The following MLPH variants were observed in gnomAD, a reference collection of about 807,000 sequenced individuals.
The protein encoded by MLPH is exophilin-3.
MLPH carries 51 observed loss-of-function variants against 72.1 expected under a neutral mutation model. That is an observed-to-expected ratio of 0.71 (90% CI 0.56 to 0.89). MLPH has a LOEUF of 0.89. MLPH is among the 40% of genes least tolerant of loss of function. The pLI is 0.00. For missense variants in MLPH, 743 were observed against 759.9 expected (o/e 0.98, Z 0.26); for synonymous variants, 301 against 310.1 (o/e 0.97, Z 0.31).
chr2:237,503,850 C>T (rs2079705366), intron 2 of MLPH, among the ~76,000 whole-genome samples: 1 of 152,142 alleles, frequency 6.6e-6, no homozygotes. Context: ...GTCTACTTCC[C>T]AACCCCAAGA....
At chr2:237,514,076 G>C (rs183083320) in intron 4 of MLPH, among the ~76,000 whole-genome samples, 22 of 152,128 alleles carry the variant, frequency 1.4e-4, no homozygotes, top group African/African-American at 5.1e-4. Flanking sequence ...GGTGGACTGC[G>C]TGTGGAAAGA....
Position 237,525,962 on chromosome 2 carries a change from A to G in MLPH, c.880+157A>G, listed in dbSNP as rs11890255. The stretch of plus-strand genomic sequence containing the variant: ...TCCGGGACGTGCAGTCCCAGCAAAC[A>G]CCGTGGACACCTGCCGTCCCCGGGA... On this transcript the variant is annotated intron_variant, in intron 7 of 15. Coordinates refer to ENST00000264605, the MANE Select transcript of MLPH (RefSeq NM_024101.7). 0.17 allele frequency among the ~76,000 whole-genome samples: 25,377 copies of G among 152,182 alleles called. 2,354 individuals are homozygous for G. The highest frequency in any genetic ancestry group is 0.23 in the African/African-American group (9,596 of 41,506).
chr2:237,546,759 G>A, intron 13 of MLPH, 76 bp downstream of exon 13: 1 of 1,247,826 alleles, frequency 8.0e-7, no homozygotes, highest in Non-Finnish European at 1.2e-6. Context: ...AGTGTGGCAA[G>A]TCCACGGGGT....
chr2:237,514,078 G>A (rs1318287359), intron 4 of MLPH, among the ~76,000 whole-genome samples: 2 of 152,160 alleles, frequency 1.3e-5, no homozygotes, highest in African/African-American at 2.4e-5. Context: ...TGGACTGCGT[G>A]TGGAAAGAAG....
At chr2:237,499,742 C>CT (rs201746131) in intron 2 of MLPH, among the ~76,000 whole-genome samples, 86 of 151,464 alleles carry the variant, frequency 5.7e-4, no homozygotes, top group African/African-American at 2.9e-4. Context: ...TCCCATTTTA[C>CT]TTTTTTTTTG....
intron 6 of MLPH, 104 bp from the exon 7 acceptor site, chr2:237,525,497 A>G: frequency 1.7e-5 from 20 of 1,155,732 alleles, no homozygotes; most frequent in Non-Finnish European, 2.6e-5. Flanking sequence ...TGGGTCAGTC[A>G]AGTGCCTGGA....
rs146561701 is a variant in MLPH, at chr2:237,523,797, C to T, written c.676-1804C>T. On this transcript the variant is annotated intron_variant, in intron 6 of 15. Transcript: ENST00000264605. ...TGATAGTTGATCAGGAGAACGAGGC[C>T]ATAGTCACAAAGAGTTCTCCTACTA... Among the ~76,000 whole-genome samples the T allele has an allele frequency of 3.6e-3, 542 of 152,158 alleles. 8 individuals are homozygous for T. The highest frequency in any genetic ancestry group is 0.012 in the African/African-American group (513 of 41,496).
intron 7 of MLPH, 103 bp from the exon 8 acceptor site, chr2:237,527,274 G>A: frequency 1.4e-6 from 2 of 1,431,930 alleles, no homozygotes; most frequent in Non-Finnish European, 2.0e-6. Flanking sequence ...ACATCCTTAT[G>A]TCTTCATTTT....
At chr2:237,519,105 T>C (rs1229333612) in intron 5 of MLPH, among the ~76,000 whole-genome samples, 1 of 150,134 alleles carries the variant, frequency 6.7e-6, no homozygotes, top group Non-Finnish European at 1.5e-5. Flanking sequence ...TTGCCAACCA[T>C]GAGCCTTGTG....
intron 8 of MLPH, among the ~76,000 whole-genome samples, chr2:237,530,377 A>G (rs1878815): frequency 0.15 from 23,529 of 152,228 alleles, 2,042 homozygotes; most frequent in South Asian, 0.31. Flanking sequence ...ATGATCTACC[A>G]AAAATGAGCA....
At chr2:237,490,585 G>T (rs1034630735) in intron 1 of MLPH, among the ~76,000 whole-genome samples, 1 of 152,170 alleles carries the variant, frequency 6.6e-6, no homozygotes, top group African/African-American at 2.4e-5. Flanking sequence ...TTCTATGTTA[G>T]GAGAAGAGAG....
At chr2:237,496,813 G>A (rs2079545696) in intron 2 of MLPH, among the ~76,000 whole-genome samples, 1 of 152,242 alleles carries the variant, frequency 6.6e-6, no homozygotes, top group Non-Finnish European at 1.5e-5. Context: ...GAGAGGCAGT[G>A]CTATGAAAAG....
At chr2:237,520,800 T>G (rs2080166553) in intron 6 of MLPH, among the ~76,000 whole-genome samples, 1 of 152,224 alleles carries the variant, frequency 6.6e-6, no homozygotes, top group Admixed American at 6.5e-5. Flanking sequence ...CATAAAGGTC[T>G]TTGGTATAGA....
chr2:237,499,618 A>G (rs980598788), intron 2 of MLPH, among the ~76,000 whole-genome samples: 3 of 152,254 alleles, frequency 2.0e-5, no homozygotes, highest in Non-Finnish European at 4.4e-5. Flanking sequence ...TTAACAACGG[A>G]TTTAACAATA....
chr2:237,503,078 C>T (rs1326078475), intron 2 of MLPH, among the ~76,000 whole-genome samples: 1 of 152,172 alleles, frequency 6.6e-6, no homozygotes, highest in Non-Finnish European at 1.5e-5. Flanking sequence ...AAGATCACAC[C>T]ACTTCAGTCC....
chr2:237,546,470 G>A (rs1646686142), intron 12 of MLPH, 136 bp from the exon 13 acceptor site: 6 of 756,864 alleles, frequency 7.9e-6, no homozygotes, highest in African/African-American at 1.7e-5. Flanking sequence ...CATACTGGGG[G>A]TGGCTGTGCA....
intron 4 of MLPH, chr2:237,518,053 A>G: frequency 3.8e-6 from 1 of 264,490 alleles, no homozygotes; most frequent in Non-Finnish European, 7.4e-6. Flanking sequence ...TGAGTGGATG[A>G]GCCACTGATT....
chr2:237,540,380 T>C lies in MLPH; in HGVS notation c.1137T>C (p.Asp379=), dbSNP rs3817363. 0.11 allele frequency: 181,824 copies of C among 1,613,120 alleles called. 12,859 individuals carry two copies. Among genetic ancestry groups the C allele is most frequent in the East Asian group, 0.32 (14,329 of 44,840 alleles). The part of the protein sequence containing the change: ...GLGAGVRTEA[D]VEEEALRRKL... ...GTGCTGGAGTGCGCACGGAGGCCGA[T>C]GTAGAGGAGGAGGCCCTGAGGAGGA... Residue 379 remains aspartate, a synonymous_variant, in exon 10 of 16, where the codon GAT becomes GAC. Coordinates refer to ENST00000264605, the MANE Select transcript of MLPH (RefSeq NM_024101.7).
chr2:237,510,393 A>G lies in MLPH; in HGVS notation c.111-181A>G. On this transcript the variant is annotated intron_variant, in intron 2 of 15. Coordinates refer to ENST00000264605, the MANE Select transcript of MLPH (RefSeq NM_024101.7). This position sits in a 1 kb window ranked among gnomAD's most constrained non-coding sequence, Gnocchi z 4.4. ...AATTGCCCGTTTGAGCTCAGCCCTC[A>G]AAACAAAGATGCCTGTGTGGCTTTG... The G allele has an allele frequency of 1.4e-6, 1 of 696,032 alleles. No individual in the cohort carries two copies. Among genetic ancestry groups the G allele is most frequent in the East Asian group, 2.7e-5 (1 of 36,640 alleles). The allele number at this position is 696,032 out of a possible 1,614,324, so 43.1% of individuals were successfully genotyped here.
Sources: gnomAD v4.1 joint callset for allele counts (sites outside exome capture counted in the v4.1 genomes callset) on GRCh38, gnomAD v4.1.1 for gene constraint, Gnocchi (gnomAD v3.1) non-coding constraint, MANE v1.5 for transcripts, NCBI Gene and HGNC (gene_info 2026-07-23, HGNC 2026-07-21) for gene names.